Variants in INPP4B observed in about 807,000 individuals in gnomAD.
INPP4B encodes the protein inositol polyphosphate 4-phosphatase type II.
Under a neutral mutation model 122.5 loss-of-function variants are expected in INPP4B, and 55 were observed. The observed-to-expected ratio is 0.45, with a 90% CI of 0.36 to 0.56. The LOEUF is 0.56. INPP4B is among the 20% of genes least tolerant of loss of function. The pLI is 0.00. For synonymous variants in INPP4B, 403 were observed against 388.7 expected (o/e 1.04, Z -0.43); for missense variants, 1,000 against 1,097.7 (o/e 0.91, Z 1.26).
intron 2 of INPP4B, among the ~76,000 whole-genome samples, chr4:142,711,038 T>C (rs773053128): frequency 1.3e-5 from 2 of 152,214 alleles, no homozygotes; most frequent in Non-Finnish European, 2.9e-5. Flanking sequence ...CTCTGCAACA[T>C]GTCCCTTCCA....
At chr4:142,076,083 T>G (rs1045560845) in intron 25 of INPP4B, among the ~76,000 whole-genome samples, 3 of 152,036 alleles carry the variant, frequency 2.0e-5, no homozygotes, top group Non-Finnish European at 4.4e-5. Context: ...TGCTCTGTAC[T>G]ATGGCCTCCA....
intron 14 of INPP4B, among the ~76,000 whole-genome samples, chr4:142,196,034 G>A (rs990604449): frequency 1.3e-5 from 2 of 152,078 alleles, no homozygotes; most frequent in Non-Finnish European, 2.9e-5. Flanking sequence ...TGAAGAAACC[G>A]AGACATTTTG....
intron 7 of INPP4B, among the ~76,000 whole-genome samples, chr4:142,377,186 T>A (rs1388865790): frequency 6.6e-6 from 1 of 151,996 alleles, no homozygotes; most frequent in Non-Finnish European, 1.5e-5. Flanking sequence ...CTCCAAACAA[T>A]CTAACCTGGT....
chr4:142,472,348 T>C (rs1274797719), intron 2 of INPP4B, among the ~76,000 whole-genome samples: 1 of 151,224 alleles, frequency 6.6e-6, no homozygotes, highest in East Asian at 1.9e-4. Context: ...AGTCATTGTG[T>C]CCAATTACCC....
intron 11 of INPP4B, among the ~76,000 whole-genome samples, chr4:142,248,804 T>A (rs1157839322): frequency 6.7e-6 from 1 of 150,228 alleles, no homozygotes; most frequent in Non-Finnish European, 1.5e-5. Context: ...TTATAATGAA[T>A]TTTTTTTCTA....
At chr4:142,249,167 A>G (rs1194903889) in intron 11 of INPP4B, among the ~76,000 whole-genome samples, 1 of 152,058 alleles carries the variant, frequency 6.6e-6, no homozygotes, top group Admixed American at 6.6e-5. Flanking sequence ...TTGGATTCCA[A>G]CTCACACAGT....
At chr4:142,058,625 G>A (rs1758951579) in intron 25 of INPP4B, among the ~76,000 whole-genome samples, 2 of 151,954 alleles carry the variant, frequency 1.3e-5, no homozygotes, top group African/African-American at 2.4e-5. Flanking sequence ...CTCAGAAATG[G>A]GAAGGGTTCA....
At chr4:142,208,302 C>G in intron 14 of INPP4B, 123 bp downstream of exon 14, 1 of 465,016 alleles carries the variant, frequency 2.2e-6, no homozygotes, top group Non-Finnish European at 3.8e-6. Flanking sequence ...TTATGAGGTT[C>G]AACTGTTTCA....
intron 5 of INPP4B, among the ~76,000 whole-genome samples, chr4:142,412,722 G>A (rs1024976986): frequency 1.3e-5 from 2 of 152,042 alleles, no homozygotes; most frequent in African/African-American, 4.8e-5. Flanking sequence ...TTCATTGAGA[G>A]TAGCTCTCAT....
chr4:142,521,333 T>C (rs1826041258), intron 2 of INPP4B, among the ~76,000 whole-genome samples: 1 of 152,054 alleles, frequency 6.6e-6, no homozygotes, highest in Admixed American at 6.6e-5. Flanking sequence ...TGGCAATTCA[T>C]ATTTCCATTA....
intron 2 of INPP4B, among the ~76,000 whole-genome samples, chr4:142,579,989 T>C (rs1478821199): frequency 1.3e-5 from 2 of 151,560 alleles, no homozygotes; most frequent in South Asian, 2.1e-4. Context: ...AACCAGCAAA[T>C]GCAGAGACCC....
At chr4:142,269,485 T>C (rs1039105021) in intron 10 of INPP4B, among the ~76,000 whole-genome samples, 1 of 152,180 alleles carries the variant, frequency 6.6e-6, no homozygotes, top group Non-Finnish European at 1.5e-5. Flanking sequence ...GTCATTTTTT[T>C]AGCTTGCATT....
At chr4:142,806,982 T>C (rs1035576892) in intron 1 of INPP4B, among the ~76,000 whole-genome samples, 2 of 152,170 alleles carry the variant, frequency 1.3e-5, no homozygotes, top group Non-Finnish European at 2.9e-5. Flanking sequence ...CCCCTCAACA[T>C]GTTCATCCGA....
chr4:142,294,829 C>CA (rs57430432), intron 9 of INPP4B, among the ~76,000 whole-genome samples: 4,748 of 28,452 alleles, frequency 0.17, 1,457 homozygotes, highest in South Asian at 0.36. Context: ...GACTCCGTCT[C>CA]AAAAAAAAAA....
At chr4:142,050,318 T>C (rs754883618) in intron 25 of INPP4B, among the ~76,000 whole-genome samples, 17 of 151,984 alleles carry the variant, frequency 1.1e-4, no homozygotes, top group Non-Finnish European at 2.2e-4. Flanking sequence ...CCTTTTGTTT[T>C]AGGGGATTGT....
At chr4:142,168,671 A>G (rs1824062151) in intron 16 of INPP4B, among the ~76,000 whole-genome samples, 1 of 151,614 alleles carries the variant, frequency 6.6e-6, no homozygotes, top group Non-Finnish European at 1.5e-5. Context: ...ACCACCAGGA[A>G]TTGTTTTTAA....
chr4:142,239,561 A>G (rs1214084109), intron 11 of INPP4B, among the ~76,000 whole-genome samples: 6 of 152,174 alleles, frequency 3.9e-5, no homozygotes, highest in Non-Finnish European at 7.4e-5. Flanking sequence ...AATCAATAAA[A>G]GAAAATAAAA....
At chr4:142,765,687 TC>T (rs1772011154) in intron 1 of INPP4B, among the ~76,000 whole-genome samples, 1 of 152,192 alleles carries the variant, frequency 6.6e-6, no homozygotes, top group Non-Finnish European at 1.5e-5. Context: ...AAGGGAGATA[TC>T]GGTTAAACCA....
chr4:142,631,397 A>G (rs1385969046), intron 2 of INPP4B, among the ~76,000 whole-genome samples: 1 of 152,182 alleles, frequency 6.6e-6, no homozygotes, highest in East Asian at 1.9e-4. Flanking sequence ...AGAATAAAGC[A>G]TAAGAGGTAA....
Sources: gnomAD v4.1 joint callset for allele counts (sites outside exome capture counted in the v4.1 genomes callset) on GRCh38, gnomAD v4.1.1 for gene constraint, MANE v1.5 for transcripts, NCBI Gene and HGNC (gene_info 2026-07-23, HGNC 2026-07-21) for gene names.